Variants in PDE4D observed in about 807,000 individuals in gnomAD.
PDE4D encodes the protein phosphodiesterase 4D, also known as 3',5'-cyclic-AMP phosphodiesterase 4D.
In PDE4D, 24 loss-of-function variants were observed where a neutral mutation model predicts 87.4. The observed-to-expected ratio is 0.27, with a 90% CI of 0.20 to 0.39. The LOEUF is 0.39. Among genes scored for constraint, PDE4D ranks in the 10% least tolerant of loss-of-function variants. The probability of loss-of-function intolerance (pLI) is 1.00; values close to 1 mark genes in which losing one functional copy is unlikely to be tolerated. For missense variants in PDE4D, 714 were observed against 1,041.0 expected, an observed-to-expected ratio of 0.69 and a Z score of 4.32; for synonymous variants, 384 against 383.2, an observed-to-expected ratio of 1.00 and a Z score of -0.02.
At chr5:59,824,751 C>G (rs1178975144) in intron 1 of PDE4D, among the ~76,000 whole-genome samples, 1 of 152,118 alleles carries the variant, frequency 6.6e-6, no homozygotes, top group Non-Finnish European at 1.5e-5. Context: ...CCACTGAGCC[C>G]TTACATGCAA....
At chr5:60,202,523 C>T (rs1022551884) in intron 1 of PDE4D, among the ~76,000 whole-genome samples, 1 of 151,666 alleles carries the variant, frequency 6.6e-6, no homozygotes, top group South Asian at 2.1e-4. Context: ...TTTTAATATA[C>T]AATACAACCT....
At chr5:59,308,129 C>A (rs1771789381) in intron 1 of PDE4D, among the ~76,000 whole-genome samples, 1 of 149,630 alleles carries the variant, frequency 6.7e-6, no homozygotes, top group Non-Finnish European at 1.5e-5. Context: ...CCAAACACCG[C>A]ATGTTCTCAC....
chr5:59,309,923 T>C (rs1772230710), intron 1 of PDE4D, among the ~76,000 whole-genome samples: 1 of 152,216 alleles, frequency 6.6e-6, no homozygotes, highest in Non-Finnish European at 1.5e-5. Context: ...CCTCTGTGCC[T>C]TGCCATCTTT....
chr5:60,004,527 C>T (rs1307684228), intron 2 of PDE4D, among the ~76,000 whole-genome samples: 1 of 151,750 alleles, frequency 6.6e-6, no homozygotes, highest in Non-Finnish European at 1.5e-5. Flanking sequence ...TTTTGATTCT[C>T]AGATAATTGA....
intron 11 of PDE4D, among the ~76,000 whole-genome samples, chr5:58,980,714 A>G (rs1285622349): frequency 6.6e-6 from 1 of 151,718 alleles, no homozygotes; most frequent in African/African-American, 2.4e-5. Flanking sequence ...GTACTACCAC[A>G]TAACTGAGAA....
intron 1 of PDE4D, among the ~76,000 whole-genome samples, chr5:60,258,216 CAATGCAGTGGTGTGTG>C (rs1749300760): frequency 6.6e-6 from 1 of 151,896 alleles, no homozygotes; most frequent in Admixed American, 6.6e-5. Context: ...TGGGCATCAG[CAATGCAGTGGTGTGTG>C]AATATACAGT....
chr5:59,302,310 C>T (rs986609771), intron 1 of PDE4D, among the ~76,000 whole-genome samples: 4 of 151,832 alleles, frequency 2.6e-5, no homozygotes, highest in African/African-American at 9.7e-5. Context: ...TTAAATTTTC[C>T]ACTTGGTCCC....
intron 1 of PDE4D, among the ~76,000 whole-genome samples, chr5:59,736,703 G>A (rs1196490000): frequency 6.6e-6 from 1 of 151,582 alleles, no homozygotes; most frequent in African/African-American, 2.4e-5. Context: ...AAGAAAAAAA[G>A]GAAATGATTG....
chr5:60,166,726 A>G (rs1562174331), intron 2 of PDE4D, among the ~76,000 whole-genome samples: 1 of 151,746 alleles, frequency 6.6e-6, no homozygotes. Context: ...TCCATTAAGC[A>G]TTTTTTTTAA....
At chr5:59,446,397 C>T (rs1373325149) in intron 1 of PDE4D, among the ~76,000 whole-genome samples, 2 of 152,134 alleles carry the variant, frequency 1.3e-5, no homozygotes, top group Admixed American at 6.5e-5. Flanking sequence ...ACATTTTTGA[C>T]ATTCTCTTTG....
At chr5:59,412,268 C>G (rs1792819628) in intron 1 of PDE4D, among the ~76,000 whole-genome samples, 1 of 152,222 alleles carries the variant, frequency 6.6e-6, no homozygotes, top group African/African-American at 2.4e-5. Context: ...TTCTGTTACC[C>G]AGAAGTCAGG....
At chr5:59,287,811 T>C (rs1307013987) in intron 1 of PDE4D, among the ~76,000 whole-genome samples, 1 of 152,046 alleles carries the variant, frequency 6.6e-6, no homozygotes, top group Non-Finnish European at 1.5e-5. Flanking sequence ...AAAAAGAGTC[T>C]CTGCCTGGTA....
chr5:59,142,711 C>T (rs929139024), intron 5 of PDE4D, among the ~76,000 whole-genome samples: 17 of 152,216 alleles, frequency 1.1e-4, no homozygotes, highest in East Asian at 3.9e-4. Context: ...CCCAGGCGGG[C>T]GGATCATGAG....
chr5:59,890,254 T>TACACACACACACACAC (rs56258601), intron 1 of PDE4D, among the ~76,000 whole-genome samples: 1 of 145,374 alleles, frequency 6.9e-6, no homozygotes, highest in South Asian at 2.2e-4. Context: ...GGTGCGCACG[T>TACACACACACACACAC]ACACACACAC....
chr5:60,408,436 A>G (rs956672239), intron 1 of PDE4D, among the ~76,000 whole-genome samples: 5 of 152,160 alleles, frequency 3.3e-5, no homozygotes, highest in African/African-American at 9.7e-5. Context: ...GCCATTGCCA[A>G]CTGAGGCTCT....
intron 1 of PDE4D, among the ~76,000 whole-genome samples, chr5:60,278,475 G>C (rs907270843): frequency 2.6e-5 from 4 of 152,044 alleles, no homozygotes. Flanking sequence ...TCTTCAAGTA[G>C]TTTTTCATCC....
chr5:59,661,012 G>C (rs1481919477), intron 1 of PDE4D, among the ~76,000 whole-genome samples: 1 of 149,346 alleles, frequency 6.7e-6, no homozygotes. Flanking sequence ...AGAAAGGGTG[G>C]TTTTACTGAT....
At chr5:59,425,633 T>C (rs1458818025) in intron 1 of PDE4D, among the ~76,000 whole-genome samples, 1 of 152,194 alleles carries the variant, frequency 6.6e-6, no homozygotes, top group Non-Finnish European at 1.5e-5. Flanking sequence ...CACGTTTGAA[T>C]GATTATAGAG....
intron 3 of PDE4D, among the ~76,000 whole-genome samples, chr5:59,187,643 C>G (rs1743221962): frequency 6.6e-6 from 1 of 152,176 alleles, no homozygotes; most frequent in Non-Finnish European, 1.5e-5. Context: ...AGCTGCCTGG[C>G]CACTAGCAAT....
Sources: gnomAD v4.1 joint callset for allele counts (sites outside exome capture counted in the v4.1 genomes callset) on GRCh38, gnomAD v4.1.1 for gene constraint, MANE v1.5 for transcripts, NCBI Gene and HGNC (gene_info 2026-07-23, HGNC 2026-07-21) for gene names.